Variants in TMEM135 observed in about 807,000 individuals in gnomAD.
TMEM135 encodes the protein peroxisomal membrane protein 52.
Under a neutral mutation model 60.3 loss-of-function variants are expected in TMEM135, and 30 were observed. The observed-to-expected ratio is 0.50, with a 90% confidence interval of 0.37 to 0.68. The LOEUF (loss-of-function observed/expected upper bound fraction) is 0.68. TMEM135 is among the 30% of genes least tolerant of loss of function. The pLI, the probability that TMEM135 is intolerant of heterozygous loss-of-function variation, is 0.00. For missense variants in TMEM135, 468 were observed against 548.8 expected, an observed-to-expected ratio of 0.85 and a Z score of 1.47; for synonymous variants, 190 against 186.7, an observed-to-expected ratio of 1.02 and a Z score of -0.14.
intron 4 of TMEM135, among the ~76,000 whole-genome samples, chr11:87,135,487 G>T (rs1938065843): frequency 1.2e-5 from 1 of 82,590 alleles, no homozygotes; most frequent in Non-Finnish European, 2.4e-5. Context: ...TTATTGAAGA[G>T]TTCATCTTTT....
chr11:87,320,118 A>G (rs2134538906), intron 14 of TMEM135, among the ~76,000 whole-genome samples: 1 of 152,308 alleles, frequency 6.6e-6, no homozygotes, highest in Non-Finnish European at 1.5e-5. Flanking sequence ...TGTCCAACAT[A>G]TGGTTTTAAG....
At chr11:87,191,797 A>G (rs1395322618) in intron 5 of TMEM135, among the ~76,000 whole-genome samples, 1 of 152,044 alleles carries the variant, frequency 6.6e-6, no homozygotes, top group African/African-American at 2.4e-5. Flanking sequence ...TTATATACTC[A>G]CTTTAAAGAC....
chr11:87,281,202 AC>A (rs1419069211), intron 6 of TMEM135, among the ~76,000 whole-genome samples: 1 of 152,216 alleles, frequency 6.6e-6, no homozygotes, highest in Non-Finnish European at 1.5e-5. Context: ...TCAAAACAAA[AC>A]AAAAAACCCT....
chr11:87,102,738 ATG>A (rs1367100242), intron 4 of TMEM135, among the ~76,000 whole-genome samples: 1 of 143,634 alleles, frequency 7.0e-6, no homozygotes, highest in Admixed American at 6.9e-5. Context: ...GTATATATAT[ATG>A]TATATATGTA....
At chr11:87,238,245 C>T (rs1293800276) in intron 6 of TMEM135, among the ~76,000 whole-genome samples, 1 of 151,792 alleles carries the variant, frequency 6.6e-6, no homozygotes, top group Non-Finnish European at 1.5e-5. Flanking sequence ...TTTTAAACCA[C>T]CAATTTCCTG....
intron 4 of TMEM135, among the ~76,000 whole-genome samples, chr11:87,105,934 C>T (rs936739054): frequency 7.2e-5 from 11 of 152,138 alleles, no homozygotes; most frequent in Non-Finnish European, 1.5e-4. Flanking sequence ...ATCTCCCTTT[C>T]CCCTACACAG....
intron 5 of TMEM135, among the ~76,000 whole-genome samples, chr11:87,173,328 C>G (rs1396976570): frequency 6.6e-6 from 1 of 152,150 alleles, no homozygotes; most frequent in Non-Finnish European, 1.5e-5. Flanking sequence ...ATGCGTGGCA[C>G]TGGAATCAGA....
chr11:87,165,363 A>G (rs1212071092), intron 5 of TMEM135, among the ~76,000 whole-genome samples: 1 of 130,096 alleles, frequency 7.7e-6, no homozygotes, highest in African/African-American at 3.0e-5. Context: ...CGTATATTGA[A>G]CCAGCCTTGC....
At chr11:87,172,295 A>G (rs950145197) in intron 5 of TMEM135, among the ~76,000 whole-genome samples, 9 of 152,186 alleles carry the variant, frequency 5.9e-5, no homozygotes, top group Non-Finnish European at 1.2e-4. Context: ...CAAGGAAGGT[A>G]CACTCTGTAT....
chr11:87,137,835 A>G (rs1733765545), intron 4 of TMEM135, among the ~76,000 whole-genome samples: 1 of 152,182 alleles, frequency 6.6e-6, no homozygotes, highest in Non-Finnish European at 1.5e-5. Flanking sequence ...GTAAAACATG[A>G]CAGAACATAT....
intron 4 of TMEM135, among the ~76,000 whole-genome samples, chr11:87,096,817 T>A (rs981835829): frequency 3.3e-5 from 5 of 152,218 alleles, no homozygotes; most frequent in African/African-American, 1.2e-4. Flanking sequence ...TGGTAGAAGT[T>A]TTAACCATCT....
chr11:87,141,043 C>T (rs1938246744), intron 4 of TMEM135, among the ~76,000 whole-genome samples: 2 of 146,058 alleles, frequency 1.4e-5, no homozygotes, highest in African/African-American at 2.5e-5. Context: ...CAACTTTGTT[C>T]TTTTTTTTTT....
Position 87,169,015 on chromosome 11 carries a change from T to C in TMEM135, c.462+11609T>C, listed in dbSNP as rs1402435595. Among the ~76,000 whole-genome samples the C allele has an allele frequency of 4.6e-5, 7 of 152,102 alleles. No homozygotes were observed. The East Asian group carries it at 1.3e-3, about 29-fold the overall frequency. ...TGGGTGCATATATATTTAGGATAGT[T>C]AACTCATCTTGTTGCACTGATCCCT... On this transcript the variant is annotated intron_variant, in intron 5 of 14. Transcript: ENST00000305494.
intron 6 of TMEM135, among the ~76,000 whole-genome samples, chr11:87,278,131 C>T (rs1179810902): frequency 1.3e-5 from 2 of 152,134 alleles, no homozygotes; most frequent in Non-Finnish European, 2.9e-5. Flanking sequence ...TGGTGATGTT[C>T]CTCAGGCTTT....
At chr11:87,251,951 G>A (rs1248942427) in intron 6 of TMEM135, among the ~76,000 whole-genome samples, 7 of 152,142 alleles carry the variant, frequency 4.6e-5, no homozygotes, top group Non-Finnish European at 1.0e-4. Flanking sequence ...GTCTTCATCT[G>A]CAATCTGATG....
At chr11:87,141,756 G>A (rs1938268583) in intron 4 of TMEM135, among the ~76,000 whole-genome samples, 1 of 151,958 alleles carries the variant, frequency 6.6e-6, no homozygotes, top group African/African-American at 2.4e-5. Flanking sequence ...CCTGCAGACA[G>A]AAACTCTATT....
chr11:87,128,772 A>G (rs1937811346), intron 4 of TMEM135, among the ~76,000 whole-genome samples: 1 of 152,182 alleles, frequency 6.6e-6, no homozygotes, highest in Non-Finnish European at 1.5e-5. Context: ...TTCTAACTGT[A>G]TGTAGAAAAT....
chr11:87,088,199 C>T (rs979438615), intron 3 of TMEM135, among the ~76,000 whole-genome samples: 1 of 152,136 alleles, frequency 6.6e-6, no homozygotes, highest in African/African-American at 2.4e-5. Flanking sequence ...GAACCCTGTA[C>T]AGGAACTGTG....
intron 5 of TMEM135, among the ~76,000 whole-genome samples, chr11:87,159,617 A>ACACACACACACACACACACCCC (rs140303858): frequency 3.9e-4 from 58 of 149,456 alleles, no homozygotes; most frequent in East Asian, 3.4e-3. Flanking sequence ...ACACACACAC[A>ACACACACACACACACACACCCC]CCATAGATTT....
Sources: gnomAD v4.1 joint callset for allele counts (sites outside exome capture counted in the v4.1 genomes callset) on GRCh38, gnomAD v4.1.1 for gene constraint, MANE v1.5 for transcripts, NCBI Gene and HGNC (gene_info 2026-07-23, HGNC 2026-07-21) for gene names.